The following ZNF638 variants were observed in gnomAD, a reference collection of about 807,000 sequenced individuals.
ZNF638 encodes the protein zinc finger protein 638.
Under a neutral mutation model 195.6 loss-of-function variants are expected in ZNF638, and 46 were observed. That is an observed-to-expected ratio of 0.24 (90% CI 0.19 to 0.30). ZNF638 has a LOEUF of 0.30. Among genes scored for constraint, ZNF638 ranks in the 10% least tolerant of loss-of-function variants. ZNF638 has a pLI of 1.00. For missense variants in ZNF638, 2,440 were observed against 2,325.3 expected, an observed-to-expected ratio of 1.05 and a Z score of -1.01; for synonymous variants, 845 against 772.0, an observed-to-expected ratio of 1.09 and a Z score of -1.57.
Position 71,406,168 on chromosome 2 carries a change from A to G in ZNF638, c.3041A>G (p.Asp1014Gly), listed in dbSNP as rs1357230491. Residue 1014 changes from aspartate (D) to glycine (G), a missense_variant, in exon 19 of 28, where the codon GAT becomes GGT. Asp to Gly is a moderately conservative substitution (Grantham distance 94, BLOSUM62 -1). Transcript: ENST00000264447. ...DTIYDRFVHL[D>G]NLPEDGLQCV... is the part of the protein sequence containing the mutation. ...ATTTATGATCGATTTGTACATCTTG[A>G]TAATTTACCGGAAGATGGACTTCAG... is the stretch of plus-strand genomic sequence containing the variant. 4 of 1,613,672 alleles carry G rather than the reference A, an allele frequency of 2.5e-6. No individual in the cohort carries two copies. In the African/African-American group the frequency reaches 5.3e-5, roughly 22 times the overall value.
intron 1 of ZNF638, chr2:71,348,505 C>G: frequency 8.9e-7 from 1 of 1,128,606 alleles, no homozygotes; most frequent in Non-Finnish European, 1.1e-6. Flanking sequence ...GCACCTAGGA[C>G]AGCACCCAGT....
chr2:71,366,184 T>C (rs1171160924), intron 6 of ZNF638, among the ~76,000 whole-genome samples: 1 of 152,014 alleles, frequency 6.6e-6, no homozygotes, highest in Non-Finnish European at 1.5e-5. Flanking sequence ...ACTCCCTCTC[T>C]ACAAAAAATA....
intron 1 of ZNF638, among the ~76,000 whole-genome samples, chr2:71,341,148 C>T (rs1213965137): frequency 6.6e-5 from 10 of 152,242 alleles, no homozygotes; most frequent in Admixed American, 5.2e-4. Flanking sequence ...GATCTAATAG[C>T]GCTATCTTTT....
rs778404360 is a variant in ZNF638 at position 71,364,219 on chromosome 2, G to C, written c.1684G>C (p.Glu562Gln). 6.2e-7 allele frequency: 1 copy of C among 1,614,152 alleles called. No homozygotes were observed. The highest frequency in any genetic ancestry group is 1.1e-5 in the South Asian group (1 of 91,076). Residue 562 changes from glutamate to glutamine, a missense_variant, in exon 5 of 28, where the codon GAG becomes CAG. By Grantham distance (29) the Glu-to-Gln change is conservative. Coordinates refer to ENST00000264447, the MANE Select transcript of ZNF638 (RefSeq NM_014497.5). ...AAAATGCTTTCGATCAGTTAGCCCT[G>C]AGAGGATGTCAAGGAGATCAGTGAG... The part of the protein sequence containing the change: ...SPKCFRSVSP[E>Q]RMSRRSVRSS...
Position 71,365,450 on chromosome 2 carries a change from A to G in ZNF638, c.1739A>G (p.Asp580Gly), listed in dbSNP as rs1364066402. ...RSSDRKKALEDVVQRSGHGTE... is the reference protein window; with the variant it reads ...RSSDRKKALEGVVQRSGHGTE... ...CTAGATAGAAAAAAAGCATTAGAAGATGTAGTACAACGATCTGGGCATGGG... is the reference window on the plus strand; with the variant it reads ...CTAGATAGAAAAAAAGCATTAGAAGGTGTAGTACAACGATCTGGGCATGGG... The change falls in exon 6 of 28, where the codon GAT (aspartate) becomes GGT (glycine). Residue 580 changes from aspartate to glycine, a missense_variant. Coordinates refer to ENST00000264447, the MANE Select transcript of ZNF638 (RefSeq NM_014497.5). 6.2e-7 allele frequency: 1 copy of G among 1,606,252 alleles called. No homozygotes were observed. The highest frequency in any genetic ancestry group is 2.2e-5 in the East Asian group (1 of 44,790).
At chr2:71,420,732 T>C (rs2080414345) in intron 21 of ZNF638, among the ~76,000 whole-genome samples, 2 of 152,204 alleles carry the variant, frequency 1.3e-5, no homozygotes, top group African/African-American at 4.8e-5. Flanking sequence ...AGTGGTTGTT[T>C]AACTTTGGTG....
intron 10 of ZNF638, among the ~76,000 whole-genome samples, chr2:71,391,588 G>A (rs917531070): frequency 3.9e-5 from 6 of 152,190 alleles, no homozygotes; most frequent in African/African-American, 1.4e-4. Context: ...ACCTGAAAAA[G>A]TACAGATGTC....
At chr2:71,400,386 G>T in intron 14 of ZNF638, 92 bp from the exon 15 acceptor site, 1 of 1,280,672 alleles carries the variant, frequency 7.8e-7, no homozygotes, top group Non-Finnish European at 1.1e-6. Flanking sequence ...TGTATTACAC[G>T]TTTTCATGTA....
chr2:71,358,774 G>A (rs1283717559), intron 3 of ZNF638, among the ~76,000 whole-genome samples: 2 of 152,114 alleles, frequency 1.3e-5, no homozygotes, highest in Non-Finnish European at 2.9e-5. Flanking sequence ...TACTGGGTCA[G>A]TCAGGACTCT....
chr2:71,424,514 C>T, intron 22 of ZNF638, 136 bp from the exon 23 acceptor site: 1 of 679,144 alleles, frequency 1.5e-6, no homozygotes, highest in Admixed American at 2.9e-5. Flanking sequence ...GTTTTGTATA[C>T]ATGTTAAATA....
Position 71,401,887 on chromosome 2 carries a change from A to G in ZNF638, c.2698-69A>G, listed in dbSNP as rs2080014158. ...ACAATATACTAATATAACATGATACACAGTATAAACTTAAGTAAATATGAA... is the reference window on the plus strand; with the variant it reads ...ACAATATACTAATATAACATGATACGCAGTATAAACTTAAGTAAATATGAA... On this transcript the variant is annotated intron_variant, in intron 15 of 27. Transcript: ENST00000264447. 5 of 1,337,636 alleles carry G rather than the reference A, an allele frequency of 3.7e-6. No individual in the cohort carries two copies. In the Admixed American group the frequency reaches 1.2e-4, roughly 31 times the overall value. The allele number at this position is 1,337,636 out of a possible 1,614,324, so 82.9% of individuals were successfully genotyped here.
chr2:71,387,266 T>C (rs890921767), intron 10 of ZNF638, among the ~76,000 whole-genome samples: 3 of 152,218 alleles, frequency 2.0e-5, no homozygotes, highest in East Asian at 1.9e-4. Context: ...TCCAGAGATA[T>C]TTCCCAAAAC....
chr2:71,348,201 T>G (rs1363293653), intron 1 of ZNF638, among the ~76,000 whole-genome samples: 1 of 152,210 alleles, frequency 6.6e-6, no homozygotes, highest in Admixed American at 6.5e-5. Flanking sequence ...GCAACAAATT[T>G]TTATCTTACA....
intron 27 of ZNF638, among the ~76,000 whole-genome samples, chr2:71,434,120 C>T (rs1466900081): frequency 6.6e-6 from 1 of 152,182 alleles, no homozygotes; most frequent in African/African-American, 2.4e-5. Context: ...ATCCAAACTT[C>T]TTATTTTGGG....
intron 10 of ZNF638, chr2:71,393,388 C>T (rs750353513): frequency 2.8e-6 from 2 of 718,308 alleles, no homozygotes; most frequent in South Asian, 1.5e-5. Flanking sequence ...TTCACACCCC[C>T]CTCAGGCCCT....
At chr2:71,375,673 C>G (rs1000657661) in intron 8 of ZNF638, 2 of 152,066 alleles carry the variant, frequency 1.3e-5, no homozygotes, top group African/African-American at 4.8e-5. Context: ...ATATGTTATT[C>G]AAGGTTTTTG....
rs751420407 is a variant in ZNF638, at chr2:71,423,634, G to T, written c.4120G>T (p.Asp1374Tyr). The T allele has an allele frequency of 6.2e-7, 1 of 1,613,802 alleles. No individual in the cohort carries two copies. Residue 1374 changes from aspartate to tyrosine, a missense_variant, in exon 22 of 28, where the codon GAT (aspartate) becomes TAT (tyrosine). Physicochemically the swap from Asp to Tyr is radical, Grantham distance 160. Around this residue, in one of 5 missense-constraint regions of ZNF638, gnomAD observed 1,883 missense variants for 1,739.1 expected, o/e 1.08. Coordinates refer to ENST00000264447, the MANE Select transcript of ZNF638 (RefSeq NM_014497.5). ...AGGAGTGGGTCAGGCTAATAAGCCTGATGAAACTAGTAAAACTAGTATTCT... is the reference window on the plus strand; with the variant it reads ...AGGAGTGGGTCAGGCTAATAAGCCTTATGAAACTAGTAAAACTAGTATTCT... The part of the protein sequence containing the change: ...NKGVGQANKP[D>Y]ETSKTSILAV...
At position 71,423,223 on chromosome 2, in the gene ZNF638, A is replaced by G. The variant is rs1380432000; in HGVS notation, c.3709A>G (p.Lys1237Glu). Residue 1237 changes from lysine to glutamate, a missense_variant, in exon 22 of 28, where the codon AAA (lysine) becomes GAA (glutamate). This residue lies in a region of ZNF638 where 1,883 missense variants were observed against 1,739.1 expected (regional missense o/e 1.08). Coordinates refer to ENST00000264447, the MANE Select transcript of ZNF638 (RefSeq NM_014497.5). ...DSVFAEERNL[K>E]GILEESPSEA... ...TGTGTTTGCAGAAGAAAGGAACCTCAAAGGAATTCTAGAAGAATCTCCATC... is the reference window on the plus strand; with the variant it reads ...TGTGTTTGCAGAAGAAAGGAACCTCGAAGGAATTCTAGAAGAATCTCCATC... 6.2e-7 allele frequency: 1 copy of G among 1,614,062 alleles called. No homozygotes were observed. The highest frequency in any genetic ancestry group is 8.5e-7 in the Non-Finnish European group (1 of 1,180,012).
chr2:71,417,924 A>T (rs1241066177), intron 20 of ZNF638, among the ~76,000 whole-genome samples: 1 of 152,190 alleles, frequency 6.6e-6, no homozygotes, highest in African/African-American at 2.4e-5. Flanking sequence ...TTTCTAGAAG[A>T]CTTCTACCCA....
Sources: allele counts gnomAD v4.1 joint callset (sites outside exome capture counted in the v4.1 genomes callset), GRCh38; gene constraint gnomAD v4.1.1; regional missense constraint gnomAD v4.1.1; transcripts MANE v1.5; gene names NCBI Gene and HGNC (gene_info 2026-07-23, HGNC 2026-07-21).